DMC1: variants seen among roughly 807,000 people sequenced by gnomAD.
DMC1 encodes meiotic recombination protein DMC1 homolog.
DMC1 carries 27 observed loss-of-function variants against 50.1 expected under a neutral mutation model. The observed-to-expected ratio is 0.54, with a 90% CI of 0.40 to 0.74. The LOEUF (loss-of-function observed/expected upper bound fraction) is 0.74. Ranked by LOEUF, DMC1 falls within the 30% of genes least tolerant of loss-of-function variation. The pLI is 0.00. For synonymous variants in DMC1, 148 were observed against 136.1 expected (o/e 1.09, Z -0.61); for missense variants, 295 against 420.2 (o/e 0.70, Z 2.60).
At chr22:38,538,985 G>A (rs926116514) in intron 9 of DMC1, among the ~76,000 whole-genome samples, 26 of 150,668 alleles carry the variant, frequency 1.7e-4, no homozygotes, top group Non-Finnish European at 5.9e-5. Flanking sequence ...GCAGTGAGCC[G>A]AGATCATACC....
intron 8 of DMC1, 60 bp from the exon 9 acceptor site, chr22:38,539,472 C>T: frequency 7.9e-7 from 1 of 1,271,280 alleles, no homozygotes; most frequent in Non-Finnish European, 1.2e-6. Flanking sequence ...TAGACAACCA[C>T]TACAAAACAT....
intron 5 of DMC1, among the ~76,000 whole-genome samples, chr22:38,561,164 C>A (rs1171421151): frequency 1.3e-5 from 2 of 151,804 alleles, no homozygotes; most frequent in African/African-American, 4.8e-5. Context: ...TGCACCATCA[C>A]ACCCAGCTAA....
intron 12 of DMC1, among the ~76,000 whole-genome samples, chr22:38,527,541 C>T (rs1265560320): frequency 3.8e-5 from 5 of 130,472 alleles, no homozygotes; most frequent in South Asian, 2.4e-4. Flanking sequence ...TTTTTTGAGA[C>T]GGAGTCTTGC....
Position 38,539,358 on chromosome 22 carries a change from T to C in DMC1, c.549A>G (p.Ala183=). Residue 183 remains alanine, a synonymous_variant, in exon 9 of 14, where the codon GCA becomes GCG. Transcript: ENST00000216024. The stretch of plus-strand genomic sequence containing the variant: ...GTGCATAAAGTACGTTGTCCAGTAC[T>C]GCATCATGGTCTACATTAAAGCGAT... ...IADRFNVDHD[A]VLDNVLYARA... 1 of 1,614,130 alleles carries C rather than the reference T, an allele frequency of 6.2e-7. No individual in the cohort carries two copies. Among genetic ancestry groups the C allele is most frequent in the Non-Finnish European group, 8.5e-7 (1 of 1,179,980 alleles).
chr22:38,549,964 G>A lies in DMC1; in HGVS notation c.455C>T (p.Pro152Leu), dbSNP rs1223365609. ...TAQLPGAGGY[P>L]GGKIIFIDTE... ...ATCAATGAAGATAATCTTTCCTCCT[G>A]GGTAGCCACCAGCTCCTGGAAGTTG... Residue 152 changes from proline (P) to leucine (L), a missense_variant, in exon 8 of 14, where the codon CCA becomes CTA. Coordinates refer to ENST00000216024, the MANE Select transcript of DMC1 (RefSeq NM_007068.4). 6.2e-7 allele frequency: 1 copy of A among 1,613,422 alleles called. No individual in the cohort carries two copies. The highest frequency in any genetic ancestry group is 1.3e-5 in the African/African-American group (1 of 74,902).
chr22:38,547,521 A>G lies in DMC1; in HGVS notation c.494+2404T>C, dbSNP rs1421601799. Reference sequence around the variant, plus strand: ...CCTCTGAATACCTCCTCAAACTAGTATATTTTTTCTTCCTATTTGTTTTTG... The same window carrying G: ...CCTCTGAATACCTCCTCAAACTAGTGTATTTTTTCTTCCTATTTGTTTTTG... On this transcript the variant is annotated intron_variant, in intron 8 of 13. Transcript: ENST00000216024. 4.6e-5 allele frequency among the ~76,000 whole-genome samples: 7 copies of G among 151,080 alleles called. No homozygotes were observed. In the East Asian group the frequency reaches 1.2e-3, roughly 25 times the overall value.
At chr22:38,557,953 G>GTTTTTTTTTTTTTTTTTTTT (rs1555940699) in intron 5 of DMC1, among the ~76,000 whole-genome samples, 5 of 94,976 alleles carry the variant, frequency 5.3e-5, no homozygotes, top group African/African-American at 1.3e-4. Context: ...ATTAGACAAA[G>GTTTTTTTTTTTTTTTTTTTT]TTCTTTTTTT....
At chr22:38,531,923 A>T (rs1426375840) in intron 12 of DMC1, among the ~76,000 whole-genome samples, 1 of 150,946 alleles carries the variant, frequency 6.6e-6, no homozygotes, top group Non-Finnish European at 1.5e-5. Flanking sequence ...GAAACTTTCT[A>T]CAAATATAAG....
intron 12 of DMC1, among the ~76,000 whole-genome samples, chr22:38,523,890 G>T (rs2090058037): frequency 6.6e-6 from 1 of 152,176 alleles, no homozygotes. Context: ...ATTGAGACCA[G>T]TTGGAAATTT....
At chr22:38,555,688 C>G (rs748981863) in intron 5 of DMC1, among the ~76,000 whole-genome samples, 4 of 151,944 alleles carry the variant, frequency 2.6e-5, no homozygotes, top group Non-Finnish European at 5.9e-5. Flanking sequence ...CCTGGGAATA[C>G]TGCATGCTGT....
chr22:38,543,819 C>G (rs1319224412), intron 8 of DMC1, among the ~76,000 whole-genome samples: 1 of 152,128 alleles, frequency 6.6e-6, no homozygotes. Context: ...GTCACCTGTT[C>G]CTAACCATCC....
At chr22:38,517,769 A>G (rs2145748107), downstream of DMC1, among the ~76,000 whole-genome samples, 1 of 152,296 alleles carries the variant, frequency 6.6e-6, no homozygotes, top group African/African-American at 2.4e-5. Context: ...CTGCTCCTAG[A>G]TGACTTTATT....
intron 12 of DMC1, among the ~76,000 whole-genome samples, chr22:38,534,719 C>T (rs1602727444): frequency 1.3e-5 from 2 of 148,330 alleles, no homozygotes; most frequent in African/African-American, 5.0e-5. Flanking sequence ...CAAACAAACA[C>T]GACTGAGTGC....
intron 5 of DMC1, among the ~76,000 whole-genome samples, chr22:38,558,502 G>A (rs1236972951): frequency 6.6e-6 from 1 of 151,894 alleles, no homozygotes; most frequent in African/African-American, 2.4e-5. Context: ...ATCATCTGAG[G>A]TCAGGAGTTC....
At chr22:38,536,729 A>C (rs2090217161) in intron 12 of DMC1, among the ~76,000 whole-genome samples, 1 of 152,202 alleles carries the variant, frequency 6.6e-6, no homozygotes, top group Non-Finnish European at 1.5e-5. Context: ...TAGACCAAAG[A>C]GAAGCCCAAA....
chr22:38,555,413 GA>G lies in DMC1; in HGVS notation c.327-5del. ...AATTCCACCTCCTAGTAACTTACTG[GA>G]AATAGAAAGAAAGCATTAGTAACAG... On this transcript the variant is annotated splice_polypyrimidine_tract_variant and splice_region_variant and intron_variant, in intron 5 of 13. Transcript: ENST00000216024. The G allele has an allele frequency of 1.3e-6, 2 of 1,582,920 alleles. No homozygotes were observed. The highest frequency in any genetic ancestry group is 1.7e-6 in the Non-Finnish European group (2 of 1,152,284).
At chr22:38,537,534 G>T in intron 12 of DMC1, 58 bp downstream of exon 12, 1 of 1,485,560 alleles carries the variant, frequency 6.7e-7, no homozygotes, top group South Asian at 1.1e-5. Flanking sequence ...TCTATTCTAC[G>T]CTCTAACCCT....
At chr22:38,543,725 A>G (rs1447658660) in intron 8 of DMC1, among the ~76,000 whole-genome samples, 1 of 152,102 alleles carries the variant, frequency 6.6e-6, no homozygotes, top group East Asian at 1.9e-4. Context: ...TCCCCTGGTC[A>G]TCTACTCCAT....
Position 38,557,956 on chromosome 22 carries a change from C to CTTTTTTTT in DMC1, c.327-2555_327-2548dup, listed in dbSNP as rs753724944. The stretch of plus-strand genomic sequence containing the variant: ...AATAATTAGATAATTAGACAAAGTT[C>CTTTTTTTT]TTTTTTTTTTTTTTTTTTTTTTTTG... On this transcript the variant is annotated intron_variant, in intron 5 of 13. Transcript: ENST00000216024. 5.4e-3 allele frequency among the ~76,000 whole-genome samples: 337 copies of CTTTTTTTT among 62,698 alleles called. 51 individuals are homozygous for CTTTTTTTT. Among genetic ancestry groups the CTTTTTTTT allele is most frequent in the African/African-American group, 0.019 (300 of 16,068 alleles). 41.1% of individuals were successfully genotyped at this position (62,698 alleles called of 152,430 possible). A position where few individuals can be genotyped will look rare whatever the true frequency, so the allele number is the denominator to read the frequency against.
Sources: allele counts gnomAD v4.1 joint callset (sites outside exome capture counted in the v4.1 genomes callset), GRCh38; gene constraint gnomAD v4.1.1; transcripts MANE v1.5; gene names NCBI Gene and HGNC (gene_info 2026-07-23, HGNC 2026-07-21).